The following FAM13B variants were observed in gnomAD, a reference collection of about 807,000 sequenced individuals.
FAM13B encodes protein FAM13B.
In FAM13B, 60 loss-of-function variants were observed where a neutral mutation model predicts 117.3. The observed-to-expected ratio is 0.51, with a 90% CI of 0.42 to 0.63. FAM13B has a LOEUF of 0.63. Ranked by LOEUF, FAM13B falls within the 30% of genes least tolerant of loss-of-function variation. The pLI, the probability that FAM13B is intolerant of heterozygous loss-of-function variation, is 0.00. For synonymous variants in FAM13B, 332 were observed against 356.1 expected (o/e 0.93, Z 0.76); for missense variants, 972 against 1,091.9 (o/e 0.89, Z 1.55).
chr5:137,947,241 T>A (rs1763678842), intron 18 of FAM13B, among the ~76,000 whole-genome samples: 1 of 152,166 alleles, frequency 6.6e-6, no homozygotes, highest in Non-Finnish European at 1.5e-5. Context: ...CTCATGAGAG[T>A]AAAATTGAAG....
chr5:137,945,226 T>A (rs1275501445), intron 20 of FAM13B, among the ~76,000 whole-genome samples: 2 of 152,208 alleles, frequency 1.3e-5, no homozygotes, highest in African/African-American at 4.8e-5. Context: ...GTGAATTAAT[T>A]CATAGGAAAT....
intron 7 of FAM13B, among the ~76,000 whole-genome samples, chr5:138,001,952 G>A (rs58596957): frequency 0.023 from 3,464 of 152,234 alleles, 111 homozygotes; most frequent in African/African-American, 0.079. Context: ...GGGTACAGCA[G>A]TTAGAGGTGG....
chr5:137,964,875 C>A (rs1769221664), intron 10 of FAM13B, among the ~76,000 whole-genome samples: 1 of 151,390 alleles, frequency 6.6e-6, no homozygotes, highest in African/African-American at 2.4e-5. Context: ...TAAGAAAAAC[C>A]ATCTATATTG....
chr5:137,955,503 G>A (rs962257125), intron 14 of FAM13B, among the ~76,000 whole-genome samples: 2 of 66,850 alleles, frequency 3.0e-5, no homozygotes, highest in African/African-American at 3.9e-5. Flanking sequence ...TGATGTCTTT[G>A]CAAATATAAT....
intron 10 of FAM13B, among the ~76,000 whole-genome samples, chr5:137,962,977 C>A (rs777017091): frequency 2.0e-5 from 3 of 152,012 alleles, no homozygotes; most frequent in Non-Finnish European, 2.9e-5. Flanking sequence ...CATCCCTATT[C>A]CCCCCCAAAC....
At chr5:137,964,858 T>C (rs1360202857) in intron 10 of FAM13B, among the ~76,000 whole-genome samples, 3 of 151,484 alleles carry the variant, frequency 2.0e-5, no homozygotes, top group Non-Finnish European at 4.4e-5. Context: ...TCAAAAGAAA[T>C]AGCTTATAAG....
intron 15 of FAM13B, among the ~76,000 whole-genome samples, chr5:137,953,710 A>C (rs1172547873): frequency 6.6e-6 from 1 of 152,214 alleles, no homozygotes; most frequent in Non-Finnish European, 1.5e-5. Flanking sequence ...CAGCAAAGAA[A>C]CAAAGATACC....
In FAM13B at chr5:137,940,068, T is replaced by C. The variant is rs1761183749; in HGVS notation, c.*157A>G. The C allele has an allele frequency of 6.8e-6, 11 of 1,613,974 alleles. No homozygotes were observed. The highest frequency in any genetic ancestry group is 1.3e-5 in the African/African-American group (1 of 74,928). On this transcript the variant is annotated 3_prime_UTR_variant, in exon 24 of 24. Coordinates refer to ENST00000689681, the MANE Select transcript of FAM13B (RefSeq NM_001385994.1). ...CTCCCTTGAGAGGGCCTACTTACTC[T>C]CCCATCATTTGTTTTGTTTAGTGGC...
chr5:138,045,790 C>A (rs999410591), intron 1 of FAM13B, among the ~76,000 whole-genome samples: 3 of 151,530 alleles, frequency 2.0e-5, no homozygotes, highest in Non-Finnish European at 4.4e-5. Context: ...ACTAAAAATA[C>A]AAAAATTAGC....
At chr5:138,046,914 T>C (rs2151131412) in intron 1 of FAM13B, among the ~76,000 whole-genome samples, 1 of 151,890 alleles carries the variant, frequency 6.6e-6, no homozygotes, top group East Asian at 2.0e-4. Flanking sequence ...CCCAGCTAAT[T>C]TTTGTATTTT....
At chr5:137,977,333 GC>G (rs1013090661) in intron 10 of FAM13B, among the ~76,000 whole-genome samples, 6 of 152,094 alleles carry the variant, frequency 3.9e-5, no homozygotes, top group African/African-American at 1.2e-4. Context: ...CTGTGATCTC[GC>G]CCTGCCTCCA....
chr5:138,013,799 T>C (rs1176153620), intron 4 of FAM13B, among the ~76,000 whole-genome samples: 6 of 152,222 alleles, frequency 3.9e-5, no homozygotes, highest in Non-Finnish European at 8.8e-5. Context: ...ATAATGAAGA[T>C]ACCAACACTT....
Position 138,018,935 on chromosome 5 carries a change from C to T in FAM13B, c.157+20G>A. 3.2e-6 allele frequency: 5 copies of T among 1,578,746 alleles called. No individual in the cohort carries two copies. The highest frequency in any genetic ancestry group is 4.3e-6 in the Non-Finnish European group (5 of 1,158,992). On this transcript the variant is annotated intron_variant, in intron 3 of 23. Transcript: ENST00000689681. ...GTTTATTAAAACAAAAGCTAGCCCT[C>T]AAAGTAAGGAAATGTATACCATGTT...
intron 6 of FAM13B, among the ~76,000 whole-genome samples, chr5:138,010,357 A>C (rs1329515779): frequency 6.6e-6 from 1 of 152,216 alleles, no homozygotes; most frequent in African/African-American, 2.4e-5. Context: ...TGTAATACCA[A>C]CACTTTGGAA....
chr5:138,010,272 C>T (rs1021561401), intron 6 of FAM13B, among the ~76,000 whole-genome samples: 13 of 152,184 alleles, frequency 8.5e-5, no homozygotes, highest in Non-Finnish European at 1.3e-4. Context: ...TGAGCCACCA[C>T]GCCTGGCCTA....
intron 10 of FAM13B, among the ~76,000 whole-genome samples, chr5:137,974,048 G>A (rs1204737393): frequency 1.6e-4 from 23 of 145,120 alleles, no homozygotes; most frequent in African/African-American, 4.9e-4. Context: ...TCAGTGTGGC[G>A]ATTCCTCAGG....
At chr5:138,001,059 C>T (rs1225995242) in intron 7 of FAM13B, among the ~76,000 whole-genome samples, 2 of 151,934 alleles carry the variant, frequency 1.3e-5, no homozygotes, top group Non-Finnish European at 2.9e-5. Context: ...GTATAGTCCA[C>T]ATTAACATAA....
chr5:138,051,923 G>A (rs1791811379), exon 1 of FAM13B: 1 of 152,178 alleles, frequency 6.6e-6, no homozygotes, highest in Admixed American at 6.5e-5. Context: ...GGCAAGTATG[G>A]TAGGCTTTTT....
rs1791742774 is a variant in FAM13B at position 138,049,563 on chromosome 5, G to A, written c.-203+2315C>T. Among the ~76,000 whole-genome samples the A allele has an allele frequency of 2.6e-5, 4 of 151,950 alleles. No homozygotes were observed. The South Asian group carries it at 6.2e-4, about 24-fold the overall frequency. ...GCTGGGATGACAGGCGTGAGCCACCGTGCCCGGCCTAGAGTGATACATTTC... is the reference window on the plus strand; with the variant it reads ...GCTGGGATGACAGGCGTGAGCCACCATGCCCGGCCTAGAGTGATACATTTC... On this transcript the variant is annotated intron_variant, in intron 1 of 3. Coordinates refer to the FAM13B transcript ENST00000502471.
Sources: gnomAD v4.1 joint callset for allele counts (sites outside exome capture counted in the v4.1 genomes callset) on GRCh38, gnomAD v4.1.1 for gene constraint, MANE v1.5 for transcripts, NCBI Gene and HGNC (gene_info 2026-07-23, HGNC 2026-07-21) for gene names.